The following DHRSX variants were observed in gnomAD, a reference collection of about 807,000 sequenced individuals.
DHRSX encodes the protein polyprenol dehydrogenase.
A neutral mutation model predicts 34.0 loss-of-function variants in DHRSX; 31 were observed. The observed-to-expected ratio is 0.91, with a 90% CI of 0.69 to 1.23. The LOEUF (loss-of-function observed/expected upper bound fraction) is 1.23, where lower values mean the gene tolerates loss of function less well. DHRSX is among the 50% of genes most tolerant of loss of function. The pLI is 0.00. For missense variants in DHRSX, 414 were observed against 428.1 expected (o/e 0.97, Z 0.29); for synonymous variants, 201 against 183.8 (o/e 1.09, Z -0.76).
intron 1 of DHRSX, among the ~76,000 whole-genome samples, chrX:2,469,420 G>T (rs1354181381): frequency 1.3e-5 from 2 of 151,808 alleles, no homozygotes; most frequent in Non-Finnish European, 2.9e-5. Context: ...GCAGCCAAGC[G>T]ACGGCACTGA....
At chrX:2,436,469 ATT>A (rs2043992876) in intron 1 of DHRSX, among the ~76,000 whole-genome samples, 1 of 128,462 alleles carries the variant, frequency 7.8e-6, no homozygotes, top group Non-Finnish European at 1.7e-5. Context: ...ACATATTATT[ATT>A]ATTATTATTA....
intron 3 of DHRSX, among the ~76,000 whole-genome samples, chrX:2,336,848 T>TATGG (rs762813770): frequency 0.037 from 5,553 of 151,562 alleles, 342 homozygotes; most frequent in African/African-American, 0.13. Flanking sequence ...GATAGATAGA[T>TATGG]ATAGATAGAT....
At chrX:2,391,807 A>T (rs994284873) in intron 3 of DHRSX, among the ~76,000 whole-genome samples, 13 of 152,084 alleles carry the variant, frequency 8.5e-5, no homozygotes, top group Non-Finnish European at 1.8e-4. Flanking sequence ...CACACCTGTA[A>T]TCCCAGCTAC....
At chrX:2,481,408 G>A (rs2044768705) in intron 1 of DHRSX, among the ~76,000 whole-genome samples, 1 of 152,122 alleles carries the variant, frequency 6.6e-6, no homozygotes, top group Non-Finnish European at 1.5e-5. Flanking sequence ...GCTCACGCCT[G>A]TCATCCCAGC....
chrX:2,424,313 T>C (rs2043816186), intron 2 of DHRSX, among the ~76,000 whole-genome samples: 1 of 151,400 alleles, frequency 6.6e-6, no homozygotes, highest in African/African-American at 2.4e-5. Context: ...AATTCTGTTA[T>C]AGCGCCTGAA....
chrX:2,261,979 G>T (rs764361620), intron 5 of DHRSX, among the ~76,000 whole-genome samples: 2 of 152,240 alleles, frequency 1.3e-5, no homozygotes, highest in Non-Finnish European at 2.9e-5. Flanking sequence ...TCAGTGAGTC[G>T]TGTCTGCAGC....
chrX:2,383,220 A>G (rs756144989), intron 3 of DHRSX, among the ~76,000 whole-genome samples: 1 of 151,146 alleles, frequency 6.6e-6, no homozygotes, highest in South Asian at 2.1e-4. Context: ...CACCATCATC[A>G]TTATCATTTC....
At chrX:2,282,727 GGAGGGA>G (rs1417448726) in intron 4 of DHRSX, among the ~76,000 whole-genome samples, 1 of 97,650 alleles carries the variant, frequency 1.0e-5, no homozygotes, top group African/African-American at 3.5e-5. Context: ...AGAGAGGGAG[GGAGGGA>G]GAGGGAGAAT....
intron 3 of DHRSX, among the ~76,000 whole-genome samples, chrX:2,373,474 C>T (rs2043103557): frequency 6.6e-6 from 1 of 152,142 alleles, no homozygotes; most frequent in South Asian, 2.1e-4. Flanking sequence ...CCTCCATTCT[C>T]CCCACGCCAG....
intron 3 of DHRSX, among the ~76,000 whole-genome samples, chrX:2,316,342 A>G (rs2042241438): frequency 6.6e-6 from 1 of 152,172 alleles, no homozygotes; most frequent in Non-Finnish European, 1.5e-5. Context: ...ACCTGAGCTC[A>G]GGAGTTCGAG....
intron 3 of DHRSX, among the ~76,000 whole-genome samples, chrX:2,292,097 G>A (rs773968247): frequency 1.3e-5 from 2 of 152,134 alleles, no homozygotes; most frequent in South Asian, 2.1e-4. Flanking sequence ...TCATACTCTA[G>A]GGAGATCAAT....
intron 5 of DHRSX, among the ~76,000 whole-genome samples, chrX:2,256,292 C>CT (rs766215892): frequency 7.3e-5 from 11 of 150,408 alleles, no homozygotes; most frequent in Admixed American, 6.0e-4. Flanking sequence ...TGTGCCTGCC[C>CT]TTTTTTTTCT....
At chrX:2,400,076 T>C (rs997332239) in intron 3 of DHRSX, among the ~76,000 whole-genome samples, 11 of 152,200 alleles carry the variant, frequency 7.2e-5, no homozygotes, top group African/African-American at 2.6e-4. Context: ...TGTGAATATA[T>C]GCTGAACCAG....
At chrX:2,235,920 C>T (rs1569477876) in intron 6 of DHRSX, among the ~76,000 whole-genome samples, 5 of 149,650 alleles carry the variant, frequency 3.3e-5, no homozygotes, top group Admixed American at 2.0e-4. Context: ...AAGACCATCC[C>T]GGCCAACATG....
intron 3 of DHRSX, among the ~76,000 whole-genome samples, chrX:2,357,633 A>G (rs1383777489): frequency 6.6e-6 from 1 of 151,960 alleles, no homozygotes; most frequent in East Asian, 1.9e-4. Context: ...AAAGGATCTG[A>G]ACAAATAACC....
intron 3 of DHRSX, among the ~76,000 whole-genome samples, chrX:2,403,715 G>A (rs753784217): frequency 2.0e-5 from 3 of 152,032 alleles, no homozygotes; most frequent in Non-Finnish European, 2.9e-5. Context: ...AATTAGCCGG[G>A]CCTGGTGGTG....
At chrX:2,498,383 C>T (rs1369328641) in intron 1 of DHRSX, among the ~76,000 whole-genome samples, 2 of 152,258 alleles carry the variant, frequency 1.3e-5, no homozygotes, top group Non-Finnish European at 1.5e-5. Context: ...ATAAAAAATG[C>T]CGTTTAGGAA....
chrX:2,346,537 G>C lies in DHRSX; in HGVS notation c.287-54934C>G, dbSNP rs185077914. Reference sequence around the variant, plus strand: ...AGCCCAAATCCTTCCCGCAGCCTTTGGAAAGCCTCCCATAGCTTCTTCTCA... The same window carrying C: ...AGCCCAAATCCTTCCCGCAGCCTTTCGAAAGCCTCCCATAGCTTCTTCTCA... On this transcript the variant is annotated intron_variant, in intron 3 of 6. Transcript: ENST00000334651. Among the ~76,000 whole-genome samples the C allele has an allele frequency of 6.5e-3, 989 of 151,994 alleles. 35 individuals carry two copies. The highest frequency in any genetic ancestry group is 0.057 in the Admixed American group (872 of 15,234).
intron 1 of DHRSX, among the ~76,000 whole-genome samples, chrX:2,453,839 T>C (rs1275822911): frequency 6.6e-6 from 1 of 151,962 alleles, no homozygotes; most frequent in African/African-American, 2.4e-5. Context: ...TGAGGTGATA[T>C]AGGTCAGAGT....
Sources: allele counts gnomAD v4.1 joint callset (sites outside exome capture counted in the v4.1 genomes callset), GRCh38; gene constraint gnomAD v4.1.1; transcripts MANE v1.5; gene names NCBI Gene and HGNC (gene_info 2026-07-23, HGNC 2026-07-21).